DCUN1D5: variants seen among roughly 807,000 people sequenced by gnomAD.
The protein encoded by DCUN1D5 is DCN1-like protein 5.
DCUN1D5 carries 10 observed loss-of-function variants against 38.3 expected under a neutral mutation model. The ratio of observed to expected loss-of-function variants is 0.26; its 90% CI spans 0.16 to 0.44. The LOEUF (loss-of-function observed/expected upper bound fraction) is 0.44, where lower values mean the gene tolerates loss of function less well. Ranked by LOEUF, DCUN1D5 falls within the 20% of genes least tolerant of loss-of-function variation. The pLI, the probability that DCUN1D5 is intolerant of heterozygous loss-of-function variation, is 1.00. For synonymous variants in DCUN1D5, 93 were observed against 90.9 expected, an observed-to-expected ratio of 1.02 and a Z score of -0.13; for missense variants, 148 against 275.3, an observed-to-expected ratio of 0.54 and a Z score of 3.27.
chr11:103,060,991 G>A lies in DCUN1D5; in HGVS notation c.*1368C>T, dbSNP rs912391670. Among the ~76,000 whole-genome samples, 6 of 151,856 alleles carry A rather than the reference G, an allele frequency of 4.0e-5. No individual in the cohort carries two copies. The highest frequency in any genetic ancestry group is 5.9e-5 in the Non-Finnish European group (4 of 67,942). On this transcript the variant is annotated 3_prime_UTR_variant, in exon 8 of 8. Coordinates refer to ENST00000260247, the MANE Select transcript of DCUN1D5 (RefSeq NM_032299.4). Reference sequence around the variant, plus strand: ...AGGAAAACTGTCTCCCACTATTATGGGTGTTTCAGAAAACTGTACAAAGTA... The same window carrying A: ...AGGAAAACTGTCTCCCACTATTATGAGTGTTTCAGAAAACTGTACAAAGTA...
At chr11:103,079,469 G>A (rs542064441) in intron 4 of DCUN1D5, among the ~76,000 whole-genome samples, 70 of 152,150 alleles carry the variant, frequency 4.6e-4, no homozygotes, top group Non-Finnish European at 8.5e-4. Context: ...AGTGGCTTAC[G>A]CCTGTAATTG....
rs558224191 is a variant in DCUN1D5, at chr11:103,051,388, A to G, written c.*10971T>C. 6 of 152,226 alleles carry G rather than the reference A, an allele frequency of 3.9e-5. No individual in the cohort carries two copies. Among genetic ancestry groups the G allele is most frequent in the Non-Finnish European group, 5.9e-5 (4 of 68,008 alleles). 9.4% of individuals were successfully genotyped at this position (152,226 alleles called of 1,614,324 possible). A position where few individuals can be genotyped will look rare whatever the true frequency, so the allele number is the denominator to read the frequency against. ...TGACAAGGCAGCAACCTTAGAAATGATATCAGCATGAAAAGTTCATGACTT... is the reference window on the plus strand; with the variant it reads ...TGACAAGGCAGCAACCTTAGAAATGGTATCAGCATGAAAAGTTCATGACTT... On this transcript the variant is annotated 3_prime_UTR_variant, in exon 8 of 8. Coordinates refer to ENST00000260247, the MANE Select transcript of DCUN1D5 (RefSeq NM_032299.4).
At chr11:103,067,026 AAC>A (rs773736634) in intron 4 of DCUN1D5, among the ~76,000 whole-genome samples, 7 of 152,206 alleles carry the variant, frequency 4.6e-5, no homozygotes, top group Non-Finnish European at 8.8e-5. Flanking sequence ...TTTAGGATAT[AAC>A]ACAGTGCAAA....
At chr11:103,090,546 T>A (rs1288483893) in intron 1 of DCUN1D5, among the ~76,000 whole-genome samples, 1 of 152,184 alleles carries the variant, frequency 6.6e-6, no homozygotes, top group African/African-American at 2.4e-5. Flanking sequence ...CTCCTTTCAA[T>A]AGTAGCATCT....
At chr11:103,072,586 A>G (rs895955838) in intron 4 of DCUN1D5, among the ~76,000 whole-genome samples, 3 of 152,134 alleles carry the variant, frequency 2.0e-5, no homozygotes, top group Non-Finnish European at 4.4e-5. Flanking sequence ...CAGCCATAAA[A>G]AAGGATGAGT....
chr11:103,074,132 G>A (rs933227488), intron 4 of DCUN1D5, among the ~76,000 whole-genome samples: 4 of 151,928 alleles, frequency 2.6e-5, no homozygotes, highest in Non-Finnish European at 2.9e-5. Context: ...CTAATAAACT[G>A]GACATCATCA....
At chr11:103,084,373 C>T (rs2134632919) in intron 2 of DCUN1D5, among the ~76,000 whole-genome samples, 1 of 152,308 alleles carries the variant, frequency 6.6e-6, no homozygotes, top group African/African-American at 2.4e-5. Flanking sequence ...AACATAAAGT[C>T]AATACATTCT....
At chr11:103,080,832 G>A (rs1274928615) in intron 4 of DCUN1D5, among the ~76,000 whole-genome samples, 3 of 152,114 alleles carry the variant, frequency 2.0e-5, no homozygotes, top group African/African-American at 7.2e-5. Flanking sequence ...CATGGTGAAT[G>A]AAACCCTGTC....
Position 103,064,461 on chromosome 11 carries a change from T to A in DCUN1D5, c.556-84A>T. The A allele has an allele frequency of 9.1e-7, 1 of 1,098,568 alleles. No homozygotes were observed. Among genetic ancestry groups the A allele is most frequent in the Non-Finnish European group, 1.3e-6 (1 of 795,678 alleles). The allele number at this position is 1,098,568 out of a possible 1,614,324, so 68.1% of individuals were successfully genotyped here. A position where few individuals can be genotyped will look rare whatever the true frequency, so the allele number is the denominator to read the frequency against. On this transcript the variant is annotated intron_variant, in intron 6 of 7. Transcript: ENST00000260247. The surrounding 1 kb of genome is among the most constrained non-coding windows in gnomAD (Gnocchi z 4.5). ...TTTAGTAAACTAAGTTTTAACTGTT[T>A]TTGTGATTTGGTTTTTTCTAAAACA...
chr11:103,080,224 T>C (rs950123367), intron 4 of DCUN1D5, among the ~76,000 whole-genome samples: 3 of 152,188 alleles, frequency 2.0e-5, no homozygotes, highest in Admixed American at 6.5e-5. Flanking sequence ...ATTAAGATGA[T>C]TTAAGAGATC....
Position 103,065,608 on chromosome 11 carries a change from G to A in DCUN1D5, c.555+661C>T, listed in dbSNP as rs1862115806. Among the ~76,000 whole-genome samples, 1 of 151,180 alleles carries A rather than the reference G, an allele frequency of 6.6e-6. No individual in the cohort carries two copies. Among genetic ancestry groups the A allele is most frequent in the East Asian group, 1.9e-4 (1 of 5,178 alleles). On this transcript the variant is annotated intron_variant, in intron 6 of 7. Coordinates refer to ENST00000260247, the MANE Select transcript of DCUN1D5 (RefSeq NM_032299.4). The surrounding 1 kb of genome is among the most constrained non-coding windows in gnomAD (Gnocchi z 4.6). ...TACCAATAACCCTAGAATTACAAAGGCACAAAAACAGATTTAAAAAAAAAA... is the reference window on the plus strand; with the variant it reads ...TACCAATAACCCTAGAATTACAAAGACACAAAAACAGATTTAAAAAAAAAA...
rs1861727632 is a variant in DCUN1D5, at chr11:103,051,427, A to G, written c.*10932T>C. On this transcript the variant is annotated 3_prime_UTR_variant, in exon 8 of 8. Coordinates refer to ENST00000260247, the MANE Select transcript of DCUN1D5 (RefSeq NM_032299.4). The stretch of plus-strand genomic sequence containing the variant: ...AGTTCATGACTTATTCACCTGTGAC[A>G]TAACTTTGGAGTCTCATGGGAGTTC... 2 of 151,252 alleles carry G rather than the reference A, an allele frequency of 1.3e-5. No individual in the cohort carries two copies. Among genetic ancestry groups the G allele is most frequent in the African/African-American group, 4.8e-5 (2 of 41,262 alleles). The allele number at this position is 151,252 out of a possible 1,614,324, so 9.4% of individuals were successfully genotyped here.
chr11:103,089,416 G>T, intron 1 of DCUN1D5, 98 bp from the exon 2 acceptor site: 2 of 1,063,784 alleles, frequency 1.9e-6, no homozygotes, highest in Non-Finnish European at 2.6e-6. Context: ...ATTAAACAAA[G>T]GTTTTTTTTT....
rs141012503 is a variant in DCUN1D5 at position 103,061,597 on chromosome 11, CAAAAAAA to C, written c.*755_*761del. 1.4e-3 allele frequency among the ~76,000 whole-genome samples: 133 copies of C among 95,536 alleles called. No homozygotes were observed. Among genetic ancestry groups the C allele is most frequent in the African/African-American group, 4.6e-3 (131 of 28,416 alleles). 62.7% of individuals were successfully genotyped at this position (95,536 alleles called of 152,430 possible). ...TATCACAGCTAACGTTCTCTTAAGG[CAAAAAAA>C]AAAAAAAAAAGTGCTTTAAACAAAA... is the stretch of plus-strand genomic sequence containing the variant. On this transcript the variant is annotated 3_prime_UTR_variant, in exon 8 of 8. Coordinates refer to ENST00000260247, the MANE Select transcript of DCUN1D5 (RefSeq NM_032299.4).
chr11:103,082,475 T>A (rs1479289197), intron 4 of DCUN1D5, among the ~76,000 whole-genome samples: 2 of 152,002 alleles, frequency 1.3e-5, no homozygotes, highest in African/African-American at 4.8e-5. Flanking sequence ...AATAAATAGG[T>A]CTTTGATCAT....
Position 103,053,708 on chromosome 11 carries a change from G to T in DCUN1D5, c.*8651C>A, listed in dbSNP as rs561278749. On this transcript the variant is annotated 3_prime_UTR_variant, in exon 8 of 8. Transcript: ENST00000260247. The surrounding 1 kb of genome is among the most constrained non-coding windows in gnomAD (Gnocchi z 4.8). ...ATGTATCAATGAATTTTAATTATATGAATATATCATATTATCACATGTACC... is the reference window on the plus strand; with the variant it reads ...ATGTATCAATGAATTTTAATTATATTAATATATCATATTATCACATGTACC... 1 of 149,042 alleles carries T rather than the reference G, an allele frequency of 6.7e-6. No individual in the cohort carries two copies. Among genetic ancestry groups the T allele is most frequent in the East Asian group, 2.0e-4 (1 of 5,114 alleles). The allele number at this position is 149,042 out of a possible 1,614,324, so 9.2% of individuals were successfully genotyped here.
At chr11:103,076,179 C>A (rs1862402654) in intron 4 of DCUN1D5, among the ~76,000 whole-genome samples, 1 of 152,162 alleles carries the variant, frequency 6.6e-6, no homozygotes, top group Non-Finnish European at 1.5e-5. Context: ...TTTAAAAAAT[C>A]ACTGTCATAG....
chr11:103,066,633 G>A lies in DCUN1D5; in HGVS notation c.342-66C>T, dbSNP rs1862141387. ...AAATCAAATAAAAGTATCACTGGGG[G>A]TTAGACGTAATGCATTAAGAAAAAA... On this transcript the variant is annotated intron_variant, in intron 4 of 7. Transcript: ENST00000260247. The surrounding 1 kb of genome is among the most constrained non-coding windows in gnomAD (Gnocchi z 4.7). 2 of 973,668 alleles carry A rather than the reference G, an allele frequency of 2.1e-6. No individual in the cohort carries two copies. The highest frequency in any genetic ancestry group is 2.5e-5 in the East Asian group (1 of 40,114). 60.3% of individuals were successfully genotyped at this position (973,668 alleles called of 1,614,324 possible).
At position 103,064,244 on chromosome 11, in the gene DCUN1D5, T is replaced by C; in HGVS notation, c.658+31A>G. ...TCATTTAATATTTTTGGAAATTTTGTTTTCAAAGGAACATGTTATGTTATA... is the reference window on the plus strand; with the variant it reads ...TCATTTAATATTTTTGGAAATTTTGCTTTCAAAGGAACATGTTATGTTATA... On this transcript the variant is annotated intron_variant, in intron 7 of 7. Coordinates refer to ENST00000260247, the MANE Select transcript of DCUN1D5 (RefSeq NM_032299.4). This position sits in a 1 kb window ranked among gnomAD's most constrained non-coding sequence, Gnocchi z 4.5. The C allele has an allele frequency of 6.4e-7, 1 of 1,573,006 alleles. No individual in the cohort carries two copies. The highest frequency in any genetic ancestry group is 8.7e-7 in the Non-Finnish European group (1 of 1,151,586).
Sources: allele counts gnomAD v4.1 joint callset (sites outside exome capture counted in the v4.1 genomes callset), GRCh38; gene constraint gnomAD v4.1.1; non-coding constraint Gnocchi (gnomAD v3.1); transcripts MANE v1.5; gene names NCBI Gene and HGNC (gene_info 2026-07-23, HGNC 2026-07-21).